The following CCNJL variants were observed in gnomAD, a reference collection of about 807,000 sequenced individuals.
The protein encoded by CCNJL is cyclin J like, also known as cyclin-J-like protein.
In CCNJL, 33 loss-of-function variants were observed where a neutral mutation model predicts 33.4. That is an observed-to-expected ratio of 0.99 (90% CI 0.75 to 1.32). CCNJL has a LOEUF of 1.32. CCNJL is among the 40% of genes most tolerant of loss of function. CCNJL has a pLI of 0.00. For synonymous variants in CCNJL, 227 were observed against 220.9 expected (o/e 1.03, Z -0.24); for missense variants, 512 against 499.7 (o/e 1.02, Z -0.23).
At chr5:160,280,417 A>G (rs186886004) in intron 3 of CCNJL, 108 bp downstream of exon 3, 9 of 880,688 alleles carry the variant, frequency 1.0e-5, no homozygotes, top group East Asian at 4.8e-5. Flanking sequence ...GGATGAACAT[A>G]TAAGACGTGC....
At chr5:160,314,041 C>A (rs943695902), upstream of CCNJL, among the ~76,000 whole-genome samples, 1 of 152,126 alleles carries the variant, frequency 6.6e-6, no homozygotes, top group Non-Finnish European at 1.5e-5. Context: ...TGGTGGTGCA[C>A]GCCTGTAATC....
At chr5:160,311,624 G>A (rs1763261938) in intron 2 of CCNJL, among the ~76,000 whole-genome samples, 1 of 152,082 alleles carries the variant, frequency 6.6e-6, no homozygotes, top group African/African-American at 2.4e-5. Flanking sequence ...CTGACTAGTT[G>A]GCCCAGAGTT....
chr5:160,333,635 G>C (rs968238796), intron 1 of CCNJL, among the ~76,000 whole-genome samples: 2 of 151,274 alleles, frequency 1.3e-5, no homozygotes, highest in African/African-American at 4.9e-5. Flanking sequence ...CTAGCTAAGA[G>C]AACAAGCTTC....
intron 5 of CCNJL, chr5:160,255,319 AAAAT>A: frequency 2.8e-6 from 1 of 357,450 alleles, no homozygotes; most frequent in Non-Finnish European, 5.0e-6. Context: ...TCTCAAAAAA[AAAAT>A]AAAATAAAAT....
At chr5:160,269,509 G>A (rs575202853) in intron 3 of CCNJL, 7 of 456,506 alleles carry the variant, frequency 1.5e-5, no homozygotes, top group Non-Finnish European at 2.6e-5. Context: ...TGCGCTGAAC[G>A]TGTGGGCACT....
chr5:160,339,031 C>T (rs548844411), intron 1 of CCNJL, among the ~76,000 whole-genome samples: 1 of 152,226 alleles, frequency 6.6e-6, no homozygotes, highest in South Asian at 2.1e-4. Context: ...TTGTGATCCA[C>T]CCACCTCGGA....
chr5:160,271,059 G>A (rs1761817465), intron 3 of CCNJL, among the ~76,000 whole-genome samples: 1 of 152,152 alleles, frequency 6.6e-6, no homozygotes, highest in African/African-American at 2.4e-5. Context: ...GGTGGAGGGA[G>A]GCAACACACA....
chr5:160,314,427 C>T (rs1207775429), upstream of CCNJL, among the ~76,000 whole-genome samples: 1 of 152,068 alleles, frequency 6.6e-6, no homozygotes, highest in Non-Finnish European at 1.5e-5. Flanking sequence ...AAAAGTAAAA[C>T]TAAGGACTTG....
chr5:160,320,867 TTC>T (rs1383347131), intron 1 of CCNJL, among the ~76,000 whole-genome samples: 31 of 144,204 alleles, frequency 2.1e-4, no homozygotes, highest in African/African-American at 4.3e-4. Flanking sequence ...CTTTCTTTCT[TTC>T]TCTCTTTCTT....
upstream of CCNJL, among the ~76,000 whole-genome samples, chr5:160,314,837 A>G (rs1028997886): frequency 6.6e-6 from 1 of 152,336 alleles, no homozygotes. Context: ...ACTCCCTAGC[A>G]TGCAAATTAA....
At chr5:160,332,804 G>C (rs1489587275) in intron 1 of CCNJL, among the ~76,000 whole-genome samples, 1 of 150,784 alleles carries the variant, frequency 6.6e-6, no homozygotes, top group African/African-American at 2.4e-5. Context: ...TTTTCTCCTA[G>C]TCCTTAGCAC....
rs1483518613 is a variant in CCNJL, at chr5:160,266,966, T to C, written c.281-7195A>G. ...CGGGAGGAAGAAAGGGGAGTGAGTG[T>C]TGCGTCCAAGGCCTTTCCCAGATGT... On this transcript the variant is annotated intron_variant, in intron 3 of 5. Transcript: ENST00000257536. Among the ~76,000 whole-genome samples, 3 of 152,288 alleles carry C rather than the reference T, an allele frequency of 2.0e-5. No homozygotes were observed. The East Asian group carries it at 5.8e-4, about 29-fold the overall frequency.
At chr5:160,269,512 T>TG (rs1440547861) in intron 3 of CCNJL, 1 of 456,392 alleles carries the variant, frequency 2.2e-6, no homozygotes, top group African/African-American at 2.0e-5. Context: ...GCTGAACGTG[T>TG]GGGCACTGGG....
chr5:160,254,078 A>G, intron 5 of CCNJL: 1 of 468,688 alleles, frequency 2.1e-6, no homozygotes, highest in East Asian at 3.3e-5. Context: ...CCCTATCTCC[A>G]CAGTCAATAC....
chr5:160,336,196 TTGA>T (rs1384349217), intron 1 of CCNJL, among the ~76,000 whole-genome samples: 3 of 152,216 alleles, frequency 2.0e-5, no homozygotes, highest in Admixed American at 1.3e-4. Context: ...AACTTAGTTG[TTGA>T]TGACAGTCCT....
At position 160,253,547 on chromosome 5, in the gene CCNJL, G is replaced by A; in HGVS notation, c.995C>T (p.Thr332Ile). 6.2e-7 allele frequency: 1 copy of A among 1,614,236 alleles called. No individual in the cohort carries two copies. The highest frequency in any genetic ancestry group is 2.2e-5 in the East Asian group (1 of 44,886). Residue 332 changes from threonine (T) to isoleucine (I), a missense_variant, in exon 6 of 6, where the codon ACC becomes ATC. Coordinates refer to ENST00000257536, the MANE Select transcript of CCNJL (RefSeq NM_001308173.3). The part of the protein sequence containing the change: ...LSGSTGSSLH[T>I]PYQPLQPLDM... The stretch of plus-strand genomic sequence containing the variant: ...CAAGGGCTGCAGCGGTTGGTACGGG[G>A]TGTGGAGGGATGAGCCTGTACTCCC...
At chr5:160,328,592 T>C (rs1159867624) in intron 1 of CCNJL, among the ~76,000 whole-genome samples, 1 of 133,860 alleles carries the variant, frequency 7.5e-6, no homozygotes, top group African/African-American at 2.8e-5. Flanking sequence ...TACTGTCTCT[T>C]AAAAAAAAAA....
At chr5:160,307,572 A>G (rs977305816) in intron 2 of CCNJL, among the ~76,000 whole-genome samples, 2 of 152,218 alleles carry the variant, frequency 1.3e-5, no homozygotes, top group Non-Finnish European at 2.9e-5. Context: ...CAGACCTGGC[A>G]CAGACTTGGT....
Position 160,321,070 on chromosome 5 carries a change from CTTTCTTTCTT to C in CCNJL, n.207-5575_207-5566del, listed in dbSNP as rs1561812894. Reference sequence around the variant, plus strand: ...TCTTTCTTTCTTTCTTTCTTTCTTTCTTTCTTTCTTTCTTTCTTTCCTTCTCTCTTTCTCT... The same window carrying C: ...TCTTTCTTTCTTTCTTTCTTTCTTTCTCTTTCTTTCCTTCTCTCTTTCTCT... On this transcript the variant is annotated intron_variant and non_coding_transcript_variant, in intron 1 of 7. Transcript: ENST00000377503. 1.4e-3 allele frequency among the ~76,000 whole-genome samples: 162 copies of C among 116,578 alleles called. 5 individuals carry two copies. Among genetic ancestry groups the C allele is most frequent in the African/African-American group, 7.2e-3 (152 of 21,096 alleles). 76.5% of individuals were successfully genotyped at this position (116,578 alleles called of 152,430 possible). A position where few individuals can be genotyped will look rare whatever the true frequency, so the allele number is the denominator to read the frequency against.
Sources: gnomAD v4.1 joint callset for allele counts (sites outside exome capture counted in the v4.1 genomes callset) on GRCh38, gnomAD v4.1.1 for gene constraint, MANE v1.5 for transcripts, NCBI Gene and HGNC (gene_info 2026-07-23, HGNC 2026-07-21) for gene names.